The following TPH2 variants were observed in gnomAD, a reference collection of about 807,000 sequenced individuals.
TPH2 encodes the protein tryptophan hydroxylase 2, also known as tryptophan 5-hydroxylase 2.
In TPH2, 27 loss-of-function variants were observed where a neutral mutation model predicts 59.1. The observed-to-expected ratio is 0.46, with a 90% CI of 0.34 to 0.63. TPH2 has a LOEUF of 0.63. Among genes scored for constraint, TPH2 ranks in the 30% least tolerant of loss-of-function variants. The pLI is 0.01. For synonymous variants in TPH2, 220 were observed against 210.5 expected, an observed-to-expected ratio of 1.05 and a Z score of -0.39; for missense variants, 523 against 588.3, an observed-to-expected ratio of 0.89 and a Z score of 1.15.
chr12:71,943,134 G>A (rs1871118294), intron 2 of TPH2, among the ~76,000 whole-genome samples: 1 of 152,054 alleles, frequency 6.6e-6, no homozygotes, highest in African/African-American at 2.4e-5. Context: ...ATTATTATCA[G>A]CCAACTGAAA....
rs1347286855 is a variant in TPH2, at chr12:72,016,125, G to A, written c.1069-6274G>A. ...CAAACCACTTGAACTTTGAGTCTCA[G>A]TATTCCCATCTATAAAATGGAAATA... On this transcript the variant is annotated intron_variant, in intron 8 of 10. Transcript: ENST00000333850. 2.6e-5 allele frequency among the ~76,000 whole-genome samples: 4 copies of A among 152,250 alleles called. No individual in the cohort carries two copies. The East Asian group carries it at 7.7e-4, about 29-fold the overall frequency.
intron 5 of TPH2, among the ~76,000 whole-genome samples, chr12:71,971,580 A>G (rs926190873): frequency 2.0e-5 from 3 of 152,144 alleles, no homozygotes. Flanking sequence ...ATTATATTAG[A>G]GCACCAGTTT....
At chr12:72,023,028 T>A (rs1306925432) in intron 9 of TPH2, among the ~76,000 whole-genome samples, 2 of 152,248 alleles carry the variant, frequency 1.3e-5, no homozygotes, top group African/African-American at 4.8e-5. Context: ...GAGAGGTATC[T>A]ATTATGTGTA....
intron 6 of TPH2, among the ~76,000 whole-genome samples, chr12:71,976,033 G>A (rs1337050645): frequency 6.6e-6 from 1 of 152,212 alleles, no homozygotes; most frequent in Non-Finnish European, 1.5e-5. Flanking sequence ...AGGCAGTATG[G>A]TATAGTGGCT....
chr12:72,003,828 T>C (rs1236338434), intron 8 of TPH2, among the ~76,000 whole-genome samples: 4 of 152,228 alleles, frequency 2.6e-5, no homozygotes, highest in African/African-American at 9.6e-5. Flanking sequence ...TAGTTATATA[T>C]TTTTGCAACT....
intron 9 of TPH2, among the ~76,000 whole-genome samples, chr12:72,028,810 T>G (rs1302233407): frequency 6.6e-6 from 1 of 152,150 alleles, no homozygotes; most frequent in Non-Finnish European, 1.5e-5. Context: ...TTTGAGAACT[T>G]AAGACAATTA....
chr12:72,004,542 T>C (rs1052779673), intron 8 of TPH2, among the ~76,000 whole-genome samples: 6 of 152,212 alleles, frequency 3.9e-5, no homozygotes, highest in African/African-American at 7.2e-5. Flanking sequence ...TCTTACTTTT[T>C]CTTCTCAAAG....
chr12:71,969,738 A>G (rs1055852464), intron 5 of TPH2, among the ~76,000 whole-genome samples: 20 of 152,170 alleles, frequency 1.3e-4, no homozygotes, highest in African/African-American at 4.6e-4. Flanking sequence ...AATCAATTTT[A>G]CTCCATCAGT....
At chr12:71,995,059 T>G (rs4760754) in intron 8 of TPH2, among the ~76,000 whole-genome samples, 77,615 of 152,016 alleles carry the variant, frequency 0.51, 20,547 homozygotes, top group Middle Eastern at 0.59. Context: ...AAACTCTCTC[T>G]GATTATTCTA....
intron 7 of TPH2, among the ~76,000 whole-genome samples, chr12:71,985,721 T>C (rs1872414420): frequency 6.6e-6 from 1 of 152,130 alleles, no homozygotes; most frequent in African/African-American, 2.4e-5. Flanking sequence ...TCCTTACTTT[T>C]ATTTGGTGAC....
chr12:72,005,475 T>C (rs907629306), intron 8 of TPH2, among the ~76,000 whole-genome samples: 2 of 152,072 alleles, frequency 1.3e-5, no homozygotes, highest in Non-Finnish European at 2.9e-5. Context: ...CAATAAACAC[T>C]CTTAACATTT....
chr12:72,018,587 G>A (rs1386485), intron 8 of TPH2, among the ~76,000 whole-genome samples: 4 of 151,850 alleles, frequency 2.6e-5, no homozygotes, highest in African/African-American at 4.8e-5. Context: ...TGACCCAAAC[G>A]CTCCTGTAGC....
chr12:72,004,851 A>C (rs944420691), intron 8 of TPH2, among the ~76,000 whole-genome samples: 4 of 152,210 alleles, frequency 2.6e-5, no homozygotes, highest in African/African-American at 7.2e-5. Context: ...AAGGATTTCT[A>C]AAGCTATTCT....
At chr12:72,021,063 C>CT (rs5799061) in intron 8 of TPH2, among the ~76,000 whole-genome samples, 88,626 of 151,764 alleles carry the variant, frequency 0.58, 26,119 homozygotes, top group Non-Finnish European at 0.64. Flanking sequence ...TGTTTAAATT[C>CT]CTTTCTTAAC....
At chr12:71,959,800 G>C (rs995438110) in intron 5 of TPH2, among the ~76,000 whole-genome samples, 1 of 152,000 alleles carries the variant, frequency 6.6e-6, no homozygotes, top group African/African-American at 2.4e-5. Context: ...AACTTAATTG[G>C]GGGGGGCGTT....
intron 8 of TPH2, among the ~76,000 whole-genome samples, chr12:72,008,071 T>A (rs1000456502): frequency 2.0e-5 from 3 of 152,154 alleles, no homozygotes; most frequent in Admixed American, 1.3e-4. Flanking sequence ...GGGATATAGA[T>A]AAGTGAACAG....
chr12:71,964,433 C>T (rs563943180), intron 5 of TPH2: 1,051 of 914,786 alleles, frequency 1.1e-3, no homozygotes, highest in Non-Finnish European at 1.3e-3. Flanking sequence ...TAGGCACACG[C>T]CACCATGCCC....
chr12:72,031,276 G>A lies in TPH2; in HGVS notation c.1183G>A (p.Ala395Thr), dbSNP rs1873714490. ...TTTGCAGCACGCCCTTTCTGACAAGGCATGTGTGAAAGCCTTTGACCCAAA... is the reference window on the plus strand; with the variant it reads ...TTTGCAGCACGCCCTTTCTGACAAGACATGTGTGAAAGCCTTTGACCCAAA... Reference protein sequence around the residue: ...GELKHALSDKACVKAFDPKTT... With the variant: ...GELKHALSDKTCVKAFDPKTT... Residue 395 changes from alanine (A) to threonine (T), a missense_variant, in exon 10 of 11, where the codon GCA (alanine) becomes ACA (threonine). Coordinates refer to ENST00000333850, the MANE Select transcript of TPH2 (RefSeq NM_173353.4). 1 of 1,613,522 alleles carries A rather than the reference G, an allele frequency of 6.2e-7. No individual in the cohort carries two copies. The highest frequency in any genetic ancestry group is 8.5e-7 in the Non-Finnish European group (1 of 1,179,540).
Position 72,015,040 on chromosome 12 carries a change from A to T in TPH2, c.1069-7359A>T, listed in dbSNP as rs752122659. On this transcript the variant is annotated intron_variant, in intron 8 of 10. Coordinates refer to ENST00000333850, the MANE Select transcript of TPH2 (RefSeq NM_173353.4). ...ACTATTGTCATTTGCAATTTAATCA[A>T]GATTAAGGAATCTTGGCTAAAGGTG... 5.3e-5 allele frequency among the ~76,000 whole-genome samples: 8 copies of T among 152,128 alleles called. 1 individual carries two copies. Among genetic ancestry groups the T allele is most frequent in the South Asian group, 4.1e-4 (2 of 4,824 alleles).
Sources: gnomAD v4.1 joint callset for allele counts (sites outside exome capture counted in the v4.1 genomes callset) on GRCh38, gnomAD v4.1.1 for gene constraint, MANE v1.5 for transcripts, NCBI Gene and HGNC (gene_info 2026-07-23, HGNC 2026-07-21) for gene names.